Variants in RGS7BP observed in about 807,000 individuals in gnomAD.
RGS7BP encodes the protein regulator of G protein signaling 7-binding protein.
In RGS7BP, 9 loss-of-function variants were observed where a neutral mutation model predicts 31.3. That is an observed-to-expected ratio of 0.29 (90% CI 0.17 to 0.50). The LOEUF is 0.50. Ranked by LOEUF, RGS7BP falls within the 20% of genes least tolerant of loss-of-function variation. The pLI is 0.98. For missense variants in RGS7BP, 274 were observed against 322.0 expected, an observed-to-expected ratio of 0.85 and a Z score of 1.14; for synonymous variants, 115 against 120.1, an observed-to-expected ratio of 0.96 and a Z score of 0.28.
intron 4 of RGS7BP, among the ~76,000 whole-genome samples, chr5:64,597,836 A>C (rs1319995349): frequency 6.6e-6 from 1 of 152,078 alleles, no homozygotes; most frequent in Non-Finnish European, 1.5e-5. Context: ...CACAGACTTC[A>C]CCACTATGCA....
At chr5:64,523,634 T>C (rs1749163725) in intron 2 of RGS7BP, among the ~76,000 whole-genome samples, 1 of 152,230 alleles carries the variant, frequency 6.6e-6, no homozygotes, top group Admixed American at 6.5e-5. Context: ...TTGTTGAGTG[T>C]TAAAACTTGT....
At chr5:64,596,161 T>A (rs1743062891) in intron 4 of RGS7BP, among the ~76,000 whole-genome samples, 1 of 152,158 alleles carries the variant, frequency 6.6e-6, no homozygotes, top group Non-Finnish European at 1.5e-5. Flanking sequence ...TATAAGCTTA[T>A]AAGAAGGGAT....
chr5:64,578,343 G>A (rs1742490990), intron 3 of RGS7BP, among the ~76,000 whole-genome samples: 1 of 152,106 alleles, frequency 6.6e-6, no homozygotes, highest in African/African-American at 2.4e-5. Context: ...CCCCTATGTA[G>A]GATTAAGTGT....
chr5:64,562,729 T>C (rs984187217), intron 2 of RGS7BP, among the ~76,000 whole-genome samples: 2 of 152,104 alleles, frequency 1.3e-5, no homozygotes, highest in Non-Finnish European at 2.9e-5. Context: ...CCCAAATCCA[T>C]GGCCCATCCA....
intron 2 of RGS7BP, among the ~76,000 whole-genome samples, chr5:64,539,189 T>C (rs1741460900): frequency 6.6e-6 from 1 of 152,228 alleles, no homozygotes; most frequent in South Asian, 2.1e-4. Context: ...GAAGTGTCTG[T>C]TTAAGTCTTT....
intron 2 of RGS7BP, among the ~76,000 whole-genome samples, chr5:64,573,030 C>T (rs1742335764): frequency 7.4e-6 from 1 of 135,910 alleles, no homozygotes; most frequent in Admixed American, 8.5e-5. Flanking sequence ...CATGTTTTCT[C>T]ATTGTTCAAT....
intron 2 of RGS7BP, chr5:64,573,625 C>T (rs1023718811): frequency 5.3e-5 from 8 of 149,964 alleles, no homozygotes; most frequent in African/African-American, 2.0e-4. Flanking sequence ...TAGCATGGCC[C>T]CTAAGCAAGG....
At chr5:64,536,927 A>G (rs1422529910) in intron 2 of RGS7BP, among the ~76,000 whole-genome samples, 1 of 152,202 alleles carries the variant, frequency 6.6e-6, no homozygotes, top group Non-Finnish European at 1.5e-5. Context: ...GGTAACTATA[A>G]AAGACTGTGA....
At chr5:64,551,120 G>C (rs1328529356) in intron 2 of RGS7BP, among the ~76,000 whole-genome samples, 1 of 151,566 alleles carries the variant, frequency 6.6e-6, no homozygotes, top group African/African-American at 2.4e-5. Context: ...CCTACTCTCT[G>C]TATTGGGTTT....
chr5:64,606,470 T>G (rs1269489238), intron 5 of RGS7BP, among the ~76,000 whole-genome samples: 12 of 152,092 alleles, frequency 7.9e-5, no homozygotes, highest in Admixed American at 7.9e-4. Context: ...TATGAAGATC[T>G]TTCTTTCCCA....
intron 3 of RGS7BP, among the ~76,000 whole-genome samples, chr5:64,581,992 CTTTG>C (rs564551467): frequency 3.7e-4 from 57 of 152,150 alleles, no homozygotes; most frequent in African/African-American, 1.0e-3. Context: ...CTCTGAAAAA[CTTTG>C]TTTGTTTTAA....
intron 2 of RGS7BP, among the ~76,000 whole-genome samples, chr5:64,525,582 C>T (rs927998602): frequency 6.6e-6 from 1 of 152,176 alleles, no homozygotes; most frequent in African/African-American, 2.4e-5. Flanking sequence ...TCTAACACCT[C>T]TATGTGCTGG....
At chr5:64,514,599 C>T (rs1017317408) in intron 2 of RGS7BP, among the ~76,000 whole-genome samples, 2 of 152,172 alleles carry the variant, frequency 1.3e-5, no homozygotes, top group Non-Finnish European at 2.9e-5. Flanking sequence ...TACTGAGTCT[C>T]TAATACAGCT....
chr5:64,610,836 T>C lies in RGS7BP; in HGVS notation c.*1584T>C, dbSNP rs559998023. On this transcript the variant is annotated 3_prime_UTR_variant, in exon 6 of 6. Transcript: ENST00000334025. ...AATGTGGAAATTATACTTGGAATTGTCTTCTAGCTCTTTTGATTGAAAGTG... is the reference window on the plus strand; with the variant it reads ...AATGTGGAAATTATACTTGGAATTGCCTTCTAGCTCTTTTGATTGAAAGTG... The C allele has an allele frequency of 6.6e-6, 1 of 152,048 alleles. No individual in the cohort carries two copies. Among genetic ancestry groups the C allele is most frequent in the South Asian group, 2.1e-4 (1 of 4,822 alleles). 9.4% of individuals were successfully genotyped at this position (152,048 alleles called of 1,614,324 possible). A position where few individuals can be genotyped will look rare whatever the true frequency, so the allele number is the denominator to read the frequency against.
At chr5:64,555,953 G>A (rs1580427234) in intron 2 of RGS7BP, among the ~76,000 whole-genome samples, 1 of 152,098 alleles carries the variant, frequency 6.6e-6, no homozygotes, top group Non-Finnish European at 1.5e-5. Flanking sequence ...CTACCATATT[G>A]CTCAGCACAG....
intron 1 of RGS7BP, among the ~76,000 whole-genome samples, chr5:64,507,176 G>A (rs781008072): frequency 3.3e-5 from 5 of 152,232 alleles, no homozygotes; most frequent in Non-Finnish European, 7.3e-5. Flanking sequence ...CGCACGGGGC[G>A]CTGCGGAGGG....
intron 4 of RGS7BP, among the ~76,000 whole-genome samples, chr5:64,597,018 T>C (rs1286996439): frequency 6.6e-6 from 1 of 152,158 alleles, no homozygotes; most frequent in African/African-American, 2.4e-5. Flanking sequence ...CACAAAACTT[T>C]CCTAAACCCA....
chr5:64,609,131 C>A (rs576235273), intron 5 of RGS7BP, 30 bp from the exon 6 acceptor site: 22 of 1,391,254 alleles, frequency 1.6e-5, no homozygotes, highest in Non-Finnish European at 2.0e-5. Context: ...GTCTATACCT[C>A]ACTTATGTGC....
Position 64,594,843 on chromosome 5 carries a change from T to C in RGS7BP, c.597T>C (p.Ile199=), listed in dbSNP as rs367598048. ...QQHSWQVSTD[I]ENTERDMREM... is the part of the protein sequence containing the mutation. ...ATTCCTGGCAGGTTTCCACAGACAT[T>C]GAGAACACTGAAAGGTAAGTGGGAA... The change falls in exon 4 of 6, where the codon ATT becomes ATC. Residue 199 remains isoleucine (I), a synonymous_variant. Coordinates refer to ENST00000334025, the MANE Select transcript of RGS7BP (RefSeq NM_001029875.3). 5 of 1,613,500 alleles carry C rather than the reference T, an allele frequency of 3.1e-6. No homozygotes were observed. The highest frequency in any genetic ancestry group is 4.5e-5 in the East Asian group (2 of 44,836).
Sources: allele counts gnomAD v4.1 joint callset (sites outside exome capture counted in the v4.1 genomes callset), GRCh38; gene constraint gnomAD v4.1.1; transcripts MANE v1.5; gene names NCBI Gene and HGNC (gene_info 2026-07-23, HGNC 2026-07-21).